The following GRIN2A variants were observed in gnomAD, a reference collection of about 807,000 sequenced individuals.
GRIN2A encodes the protein glutamate ionotropic receptor NMDA type subunit 2A, also known as glutamate receptor ionotropic, NMDA 2A.
Under a neutral mutation model 113.4 loss-of-function variants are expected in GRIN2A, and 22 were observed. That is an observed-to-expected ratio of 0.19 (90% CI 0.14 to 0.28). GRIN2A has a LOEUF of 0.28. Among genes scored for constraint, GRIN2A ranks in the 10% least tolerant of loss-of-function variants. The pLI, the probability that GRIN2A is intolerant of heterozygous loss-of-function variation, is 1.00. For synonymous variants in GRIN2A, 827 were observed against 738.4 expected (o/e 1.12, Z -1.94); for missense variants, 1,502 against 1,887.0 (o/e 0.80, Z 3.78).
intron 2 of GRIN2A, among the ~76,000 whole-genome samples, chr16:10,040,041 ATC>A (rs2141956027): frequency 4.4e-3 from 4 of 910 alleles, no homozygotes; most frequent in Admixed American, 0.025. Context: ...TACTACACAC[ATC>A]CACACACCAC....
intron 2 of GRIN2A, chr16:10,027,735 C>T (rs1284805798): frequency 3.3e-5 from 5 of 152,818 alleles, no homozygotes. Context: ...CAAGCTGTCC[C>T]TACCCTTACT....
intron 8 of GRIN2A, among the ~76,000 whole-genome samples, chr16:9,832,866 T>A (rs2042520712): frequency 6.6e-6 from 1 of 152,146 alleles, no homozygotes; most frequent in Admixed American, 6.5e-5. Context: ...TATGTGGTAA[T>A]CACCACTCTT....
At chr16:10,104,078 G>A (rs1415574457) in intron 2 of GRIN2A, among the ~76,000 whole-genome samples, 1 of 152,208 alleles carries the variant, frequency 6.6e-6, no homozygotes, top group Non-Finnish European at 1.5e-5. Context: ...CAATATTTGT[G>A]AAGGGACTGT....
chr16:9,796,634 C>T (rs1903005309), intron 11 of GRIN2A, among the ~76,000 whole-genome samples: 2 of 152,216 alleles, frequency 1.3e-5, no homozygotes, highest in Admixed American at 6.5e-5. Context: ...TTCTGTGCTT[C>T]TGCCATGGCC....
At chr16:9,880,811 TCCTC>T (rs1231536252) in intron 4 of GRIN2A, among the ~76,000 whole-genome samples, 1 of 152,182 alleles carries the variant, frequency 6.6e-6, no homozygotes, top group Non-Finnish European at 1.5e-5. Flanking sequence ...AAACGAGAAA[TCCTC>T]CATACAAACG....
chr16:9,822,220 T>A (rs2042299059), intron 10 of GRIN2A, 44 bp downstream of exon 10: 1 of 1,603,190 alleles, frequency 6.2e-7, no homozygotes, highest in Non-Finnish European at 8.5e-7. Context: ...CTGTAAGGTT[T>A]ATCGCTCGCA....
Position 9,840,057 on chromosome 16 carries a change from G to A in GRIN2A, c.1651+590C>T, listed in dbSNP as rs536116008. Among the ~76,000 whole-genome samples, 37 of 152,250 alleles carry A rather than the reference G, an allele frequency of 2.4e-4. No homozygotes were observed. The South Asian group carries it at 5.0e-3, about 20-fold the overall frequency. ...TGCTTGAACCCAGGAGGCAGAGGCC[G>A]CAGTAAGCCAAGATCATAACACTGC... is the stretch of plus-strand genomic sequence containing the variant. On this transcript the variant is annotated intron_variant, in intron 7 of 12. Coordinates refer to ENST00000330684, the MANE Select transcript of GRIN2A (RefSeq NM_001134407.3).
At chr16:9,866,787 C>T (rs1305755954) in intron 4 of GRIN2A, among the ~76,000 whole-genome samples, 1 of 152,124 alleles carries the variant, frequency 6.6e-6, no homozygotes, top group Admixed American at 6.6e-5. Context: ...ACCTCCAGTC[C>T]ACTGTAGCCA....
In GRIN2A at chr16:9,891,096, T is replaced by C. The variant is rs1453013171; in HGVS notation, c.1012A>G (p.Met338Val). ...EVPMHTLHPFMVNVTWDGKDL... is the reference protein window; with the variant it reads ...EVPMHTLHPFVVNVTWDGKDL... ...TTGCCATCCCATGTAACATTGACCA[T>C]AAATCTAGAAAGGGGAAGAGAGAAA... is the stretch of plus-strand genomic sequence containing the variant. Residue 338 changes from methionine (M) to valine (V), a missense_variant, in exon 4 of 13, where the codon ATG becomes GTG. Met to Val is a conservative substitution (Grantham distance 21). Around this residue, in one of 7 missense-constraint regions of GRIN2A, gnomAD observed 334 missense variants for 403.0 expected, o/e 0.83. Transcript: ENST00000330684. The C allele has an allele frequency of 1.3e-6, 2 of 1,599,078 alleles. No individual in the cohort carries two copies. Among genetic ancestry groups the C allele is most frequent in the Non-Finnish European group, 1.7e-6 (2 of 1,166,274 alleles).
At chr16:10,058,514 T>G (rs2047494921) in intron 2 of GRIN2A, among the ~76,000 whole-genome samples, 1 of 152,156 alleles carries the variant, frequency 6.6e-6, no homozygotes, top group African/African-American at 2.4e-5. Context: ...ACAATGATAA[T>G]GTGATAAGAA....
rs544568727 is a variant in GRIN2A, at chr16:9,779,154, C to G, written c.2357-10065G>C. 2.5e-4 allele frequency among the ~76,000 whole-genome samples: 38 copies of G among 152,308 alleles called. No individual in the cohort carries two copies. The South Asian group carries it at 7.0e-3, about 28-fold the overall frequency. On this transcript the variant is annotated intron_variant, in intron 11 of 12. Transcript: ENST00000330684. ...GCCTGAATGATCCATTTAAAGGAAG[C>G]AGTGGGAAAGCATGGAGCCTGGTCT...
chr16:9,896,327 G>C (rs949420321), intron 3 of GRIN2A, among the ~76,000 whole-genome samples: 2 of 152,188 alleles, frequency 1.3e-5, no homozygotes, highest in Non-Finnish European at 2.9e-5. Context: ...GGGATTACAG[G>C]CGTGAGCCAC....
At chr16:10,049,643 T>C (rs1323631454) in intron 2 of GRIN2A, among the ~76,000 whole-genome samples, 5 of 152,228 alleles carry the variant, frequency 3.3e-5, no homozygotes, top group Non-Finnish European at 7.3e-5. Context: ...CCTCCCAAAG[T>C]GCTGGGATTA....
intron 2 of GRIN2A, among the ~76,000 whole-genome samples, chr16:10,105,651 C>T (rs1364762976): frequency 6.6e-6 from 1 of 152,096 alleles, no homozygotes; most frequent in African/African-American, 2.4e-5. Flanking sequence ...CTTGTAATTC[C>T]AGCGCTTAAG....
At chr16:9,922,872 T>A (rs2044383792) in intron 3 of GRIN2A, among the ~76,000 whole-genome samples, 1 of 152,240 alleles carries the variant, frequency 6.6e-6, no homozygotes, top group Non-Finnish European at 1.5e-5. Context: ...TAGTGAATCC[T>A]TTTAAATATA....
At chr16:10,093,359 G>A (rs1465326741) in intron 2 of GRIN2A, among the ~76,000 whole-genome samples, 1 of 152,160 alleles carries the variant, frequency 6.6e-6, no homozygotes, top group African/African-American at 2.4e-5. Flanking sequence ...CATCCCAGGT[G>A]TGTGTCCTGC....
chr16:10,157,179 G>A (rs908784285), intron 2 of GRIN2A, among the ~76,000 whole-genome samples: 4 of 152,154 alleles, frequency 2.6e-5, no homozygotes, highest in Non-Finnish European at 4.4e-5. Context: ...TAAGGACCAG[G>A]TGCCAGGGAT....
intron 2 of GRIN2A, among the ~76,000 whole-genome samples, chr16:10,093,966 A>T (rs901471976): frequency 1.3e-5 from 2 of 152,176 alleles, no homozygotes; most frequent in African/African-American, 2.4e-5. Flanking sequence ...AAGAGAACTG[A>T]TGCATCACCC....
rs1900449295 is a variant in GRIN2A at position 9,758,504 on chromosome 16, T to G, written c.*4645A>C. ...TATCCTCCCATAAAAATAACCAGAA[T>G]GGGTTTTCCATGTGTTAATACCATC... is the stretch of plus-strand genomic sequence containing the variant. On this transcript the variant is annotated 3_prime_UTR_variant, in exon 13 of 13. Coordinates refer to ENST00000330684, the MANE Select transcript of GRIN2A (RefSeq NM_001134407.3). The G allele has an allele frequency of 4.6e-6, 1 of 215,424 alleles. No homozygotes were observed. The highest frequency in any genetic ancestry group is 1.9e-4 in the South Asian group (1 of 5,356). 13.3% of individuals were successfully genotyped at this position (215,424 alleles called of 1,614,324 possible). A position where few individuals can be genotyped will look rare whatever the true frequency, so the allele number is the denominator to read the frequency against.
Sources: allele counts gnomAD v4.1 joint callset (sites outside exome capture counted in the v4.1 genomes callset), GRCh38; gene constraint gnomAD v4.1.1; regional missense constraint gnomAD v4.1.1; transcripts MANE v1.5; gene names NCBI Gene and HGNC (gene_info 2026-07-23, HGNC 2026-07-21).